Variants in ZNF749 observed in about 807,000 individuals in gnomAD.
The protein encoded by ZNF749 is zinc finger protein 749.
Under a neutral mutation model 7.3 loss-of-function variants are expected in ZNF749, and 8 were observed. That is an observed-to-expected ratio of 1.10 (90% confidence interval 0.64 to 1.98). The LOEUF (loss-of-function observed/expected upper bound fraction) is 1.98. Ranked by LOEUF, ZNF749 falls within the 30% of genes most tolerant of loss-of-function variation. ZNF749 has a pLI of 0.00. For missense variants in ZNF749, 898 were observed against 932.4 expected (o/e 0.96, Z 0.48); for synonymous variants, 310 against 322.4 (o/e 0.96, Z 0.41).
rs750548694 is a variant in ZNF749, at chr19:57,444,637, C to T, written c.1489C>T (p.His497Tyr). ...TGGGAAGGCCTTCCTTACACAGGCT[C>T]ATCTGGTTGGTCACCAGAAAATCCA... ...ECGKAFLTQA[H>Y]LVGHQKIHTG... Residue 497 changes from histidine to tyrosine, a missense_variant, in exon 3 of 3, where the codon CAT (histidine) becomes TAT (tyrosine). By Grantham distance (83) the His-to-Tyr change is moderately conservative. Transcript: ENST00000334181. 14 of 1,610,682 alleles carry T rather than the reference C, an allele frequency of 8.7e-6. No homozygotes were observed. Among genetic ancestry groups the T allele is most frequent in the South Asian group, 4.4e-5 (4 of 90,886 alleles).
chr19:57,436,577 TGTA>T lies in ZNF749; in HGVS notation c.15+987_15+989del, dbSNP rs978395386. On this transcript the variant is annotated intron_variant, in intron 1 of 2. Transcript: ENST00000334181. This position sits in a 1 kb window ranked among gnomAD's most constrained non-coding sequence, Gnocchi z 4.0. Reference sequence around the variant, plus strand: ...TACAGAGACTGAGGCATGAGATAATTGTAGTCACTCCACCCTTCTAACTCAGCT... The same window carrying T: ...TACAGAGACTGAGGCATGAGATAATTGTCACTCCACCCTTCTAACTCAGCT... 6.6e-6 allele frequency among the ~76,000 whole-genome samples: 1 copy of T among 152,126 alleles called. No homozygotes were observed. Among genetic ancestry groups the T allele is most frequent in the Admixed American group, 6.5e-5 (1 of 15,274 alleles).
chr19:57,443,778 G>A lies in ZNF749; in HGVS notation c.630G>A (p.Gly210=). ...QGGKDFCHQH[G]LFEHQKTHNG... The stretch of plus-strand genomic sequence containing the variant: ...GGAAAGACTTTTGCCACCAACATGG[G>A]CTGTTTGAGCACCAAAAAACCCATA... Residue 210 remains glycine, a synonymous_variant, in exon 3 of 3, where the codon GGG becomes GGA. Coordinates refer to ENST00000334181, the MANE Select transcript of ZNF749 (RefSeq NM_001023561.4). 2 of 1,614,140 alleles carry A rather than the reference G, an allele frequency of 1.2e-6. No homozygotes were observed. The highest frequency in any genetic ancestry group is 1.7e-6 in the Non-Finnish European group (2 of 1,180,028).
Position 57,435,598 on chromosome 19 carries a change from G to T in ZNF749, c.15+5G>T, listed in dbSNP as rs1302964861. Reference sequence around the variant, plus strand: ...GCGCCGATGAACCTGACCGAGGTGCGTGCAGCGTCCCAGGCCGCCCCGCCC... The same window carrying T: ...GCGCCGATGAACCTGACCGAGGTGCTTGCAGCGTCCCAGGCCGCCCCGCCC... On this transcript the variant is annotated splice_donor_5th_base_variant and intron_variant, in intron 1 of 2. Coordinates refer to ENST00000334181, the MANE Select transcript of ZNF749 (RefSeq NM_001023561.4). 1.9e-6 allele frequency: 3 copies of T among 1,605,828 alleles called. No homozygotes were observed. Among genetic ancestry groups the T allele is most frequent in the Non-Finnish European group, 2.5e-6 (3 of 1,177,228 alleles).
chr19:57,443,049 G>C (rs73936941), intron 2 of ZNF749, among the ~76,000 whole-genome samples: 3 of 152,304 alleles, frequency 2.0e-5, no homozygotes, highest in African/African-American at 7.2e-5. Flanking sequence ...GTGAGTTGGA[G>C]ACCCCACCTG....
chr19:57,437,081 A>G (rs1425202168), intron 1 of ZNF749, among the ~76,000 whole-genome samples: 1 of 152,172 alleles, frequency 6.6e-6, no homozygotes, highest in East Asian at 1.9e-4. Flanking sequence ...TTGGCTATAC[A>G]TTCTTATTTA....
chr19:57,439,454 A>G lies in ZNF749; in HGVS notation c.16-2431A>G, dbSNP rs935640503. On this transcript the variant is annotated intron_variant, in intron 1 of 2. Coordinates refer to ENST00000334181, the MANE Select transcript of ZNF749 (RefSeq NM_001023561.4). This position sits in a 1 kb window ranked among gnomAD's most constrained non-coding sequence, Gnocchi z 4.3. ...GAGTGTTTATATAGTAGAGCATATG[A>G]GGAACCAAGTTTTGGCCAAGTCAAA... is the stretch of plus-strand genomic sequence containing the variant. 1.3e-4 allele frequency among the ~76,000 whole-genome samples: 20 copies of G among 152,182 alleles called. No homozygotes were observed. Among genetic ancestry groups the G allele is most frequent in the African/African-American group, 4.6e-4 (19 of 41,416 alleles).
At chr19:57,435,319 G>A, upstream of ZNF749, 1 of 602,070 alleles carries the variant, frequency 1.7e-6, no homozygotes, top group Admixed American at 2.9e-5. Context: ...CAATTGTGTG[G>A]GCGGGACTTC....
rs187510383 is a variant in ZNF749, at chr19:57,436,519, A to G, written c.15+926A>G. Among the ~76,000 whole-genome samples the G allele has an allele frequency of 6.6e-6, 1 of 152,312 alleles. No homozygotes were observed. The highest frequency in any genetic ancestry group is 1.5e-5 in the Non-Finnish European group (1 of 68,028). On this transcript the variant is annotated intron_variant, in intron 1 of 2. Coordinates refer to ENST00000334181, the MANE Select transcript of ZNF749 (RefSeq NM_001023561.4). The surrounding 1 kb of genome is among the most constrained non-coding windows in gnomAD (Gnocchi z 4.0). ...GAGTCTGGTCTGTTTCTGTTGAAAA[A>G]GAGGCCTGGATGGATAAGGAGTTGC...
At chr19:57,431,015 G>A (rs1386728334), upstream of ZNF749, among the ~76,000 whole-genome samples, 1 of 132,156 alleles carries the variant, frequency 7.6e-6, no homozygotes, top group Non-Finnish European at 1.5e-5. Context: ...ACTCCAGCCT[G>A]ATGACAGAGC....
chr19:57,435,066 G>T (rs1036387668), upstream of ZNF749, among the ~76,000 whole-genome samples: 2 of 152,180 alleles, frequency 1.3e-5, no homozygotes, highest in African/African-American at 4.8e-5. Context: ...GCCCCTCCAC[G>T]TCCTTAAGAG....
chr19:57,443,836 G>A lies in ZNF749; in HGVS notation c.688G>A (p.Gly230Arg), dbSNP rs2089022513. Reference protein sequence around the residue: ...GERPYEFSECGELFRYNSNLI... With the variant: ...GERPYEFSECRELFRYNSNLI... ...GAGGCCTTATGAGTTCAGTGAATGT[G>A]GGGAATTGTTTAGGTACAACTCCAA... Residue 230 changes from glycine to arginine, a missense_variant, in exon 3 of 3, where the codon GGG (glycine) becomes AGG (arginine). Transcript: ENST00000334181. 1.2e-6 allele frequency: 2 copies of A among 1,614,036 alleles called. No homozygotes were observed. The highest frequency in any genetic ancestry group is 2.7e-5 in the African/African-American group (2 of 74,916).
At chr19:57,437,260 AT>A (rs904723505) in intron 1 of ZNF749, among the ~76,000 whole-genome samples, 122 of 146,076 alleles carry the variant, frequency 8.4e-4, no homozygotes, top group Admixed American at 2.9e-3. Context: ...GGTCTGGGCT[AT>A]TTTTTTTTTT....
At chr19:57,430,330 A>G (rs1350479311), upstream of ZNF749, among the ~76,000 whole-genome samples, 2 of 152,336 alleles carry the variant, frequency 1.3e-5, no homozygotes, top group East Asian at 3.9e-4. Context: ...ATAAGAACCC[A>G]TTCTTGCGAT....
At position 57,444,908 on chromosome 19, in the gene ZNF749, A is replaced by G. The variant is rs143972862; in HGVS notation, c.1760A>G (p.Asn587Ser). 237 of 1,614,158 alleles carry G rather than the reference A, an allele frequency of 1.5e-4. No individual in the cohort carries two copies. The highest frequency in any genetic ancestry group is 2.2e-4 in the South Asian group (20 of 91,070). The change falls in exon 3 of 3, where the codon AAT (asparagine) becomes AGT (serine). Residue 587 changes from asparagine (N) to serine (S), a missense_variant. Coordinates refer to ENST00000334181, the MANE Select transcript of ZNF749 (RefSeq NM_001023561.4). ...IQTGERRYEC[N>S]ECGKFFLDSY... ...ACTGGAGAACGGCGTTATGAATGCA[A>G]TGAATGTGGGAAATTCTTTTTGGAC...
upstream of ZNF749, among the ~76,000 whole-genome samples, chr19:57,433,749 A>T (rs1172464615): frequency 1.3e-5 from 2 of 151,844 alleles, no homozygotes; most frequent in Non-Finnish European, 2.9e-5. Flanking sequence ...TTCCTTCACT[A>T]ATCCTGCAGA....
Position 57,436,486 on chromosome 19 carries a change from T to C in ZNF749, c.15+893T>C, listed in dbSNP as rs1158745667. Among the ~76,000 whole-genome samples, 2 of 152,154 alleles carry C rather than the reference T, an allele frequency of 1.3e-5. No homozygotes were observed. Among genetic ancestry groups the C allele is most frequent in the Non-Finnish European group, 2.9e-5 (2 of 68,010 alleles). On this transcript the variant is annotated intron_variant, in intron 1 of 2. Transcript: ENST00000334181. This position sits in a 1 kb window ranked among gnomAD's most constrained non-coding sequence, Gnocchi z 4.0. Reference sequence around the variant, plus strand: ...TACTCCCTGCAGAAGGGAGCAGATATGGGCTAAGAGTCTGGTCTGTTTCTG... The same window carrying C: ...TACTCCCTGCAGAAGGGAGCAGATACGGGCTAAGAGTCTGGTCTGTTTCTG...
At position 57,436,252 on chromosome 19, in the gene ZNF749, C is replaced by T. The variant is rs2088935085; in HGVS notation, c.15+659C>T. Among the ~76,000 whole-genome samples, 1 of 152,040 alleles carries T rather than the reference C, an allele frequency of 6.6e-6. No individual in the cohort carries two copies. Among genetic ancestry groups the T allele is most frequent in the African/African-American group, 2.4e-5 (1 of 41,384 alleles). On this transcript the variant is annotated intron_variant, in intron 1 of 2. Coordinates refer to ENST00000334181, the MANE Select transcript of ZNF749 (RefSeq NM_001023561.4). This position sits in a 1 kb window ranked among gnomAD's most constrained non-coding sequence, Gnocchi z 4.0. ...AGAAGATCCTGGGTTGGATTTTGGG[C>T]GACATCACATGGGTAGGTGGACGTA...
At chr19:57,431,844 C>T (rs1182157562), upstream of ZNF749, among the ~76,000 whole-genome samples, 6 of 151,834 alleles carry the variant, frequency 4.0e-5, no homozygotes, top group East Asian at 7.8e-4. Context: ...GTTTTTTTAA[C>T]GGAGTTTCAC....
In ZNF749 at chr19:57,436,832, G is replaced by A. The variant is rs1378144044; in HGVS notation, c.15+1239G>A. Among the ~76,000 whole-genome samples, 1 of 152,182 alleles carries A rather than the reference G, an allele frequency of 6.6e-6. No homozygotes were observed. Among genetic ancestry groups the A allele is most frequent in the African/African-American group, 2.4e-5 (1 of 41,440 alleles). ...CTTAGGGATGTAAAAACAGGTAATT[G>A]ACTTAAACAGTAAGGAACTATATCA... On this transcript the variant is annotated intron_variant, in intron 1 of 2. Transcript: ENST00000334181. The surrounding 1 kb of genome is among the most constrained non-coding windows in gnomAD (Gnocchi z 4.0).
Sources: gnomAD v4.1 joint callset for allele counts (sites outside exome capture counted in the v4.1 genomes callset) on GRCh38, gnomAD v4.1.1 for gene constraint, Gnocchi (gnomAD v3.1) non-coding constraint, MANE v1.5 for transcripts, NCBI Gene and HGNC (gene_info 2026-07-23, HGNC 2026-07-21) for gene names.